MPHOSPH8: variants seen among roughly 807,000 people sequenced by gnomAD.
MPHOSPH8 encodes the protein M-phase phosphoprotein, mpp.
A neutral mutation model predicts 87.3 loss-of-function variants in MPHOSPH8; 45 were observed. That is an observed-to-expected ratio of 0.52 (90% CI 0.41 to 0.66). MPHOSPH8 has a LOEUF of 0.66. Ranked by LOEUF, MPHOSPH8 falls within the 30% of genes least tolerant of loss-of-function variation. The pLI is 0.00. For synonymous variants in MPHOSPH8, 366 were observed against 376.9 expected, an observed-to-expected ratio of 0.97 and a Z score of 0.33; for missense variants, 883 against 1,020.2, an observed-to-expected ratio of 0.87 and a Z score of 1.83.
chr13:19,643,917 C>G (rs1262498324), intron 2 of MPHOSPH8, among the ~76,000 whole-genome samples: 1 of 152,172 alleles, frequency 6.6e-6, no homozygotes, highest in Non-Finnish European at 1.5e-5. Context: ...ACCAGGAGAA[C>G]TCTGGTCACA....
At position 19,659,377 on chromosome 13, in the gene MPHOSPH8, C is replaced by G. The variant is rs922861168; in HGVS notation, c.1791+88C>G. On this transcript the variant is annotated intron_variant, in intron 7 of 13. Transcript: ENST00000361479. Reference sequence around the variant, plus strand: ...TTTAACTTTTCATTTATTTTAATTACAAAAGGCTGGGCGTGGTGGTGCACA... The same window carrying G: ...TTTAACTTTTCATTTATTTTAATTAGAAAAGGCTGGGCGTGGTGGTGCACA... The G allele has an allele frequency of 1.2e-5, 14 of 1,151,430 alleles. No homozygotes were observed. The South Asian group carries it at 2.0e-4, about 16-fold the overall frequency. The allele number at this position is 1,151,430 out of a possible 1,614,324, so 71.3% of individuals were successfully genotyped here.
chr13:19,642,620 A>G (rs1874359138), intron 2 of MPHOSPH8, among the ~76,000 whole-genome samples: 2 of 152,068 alleles, frequency 1.3e-5, no homozygotes, highest in African/African-American at 2.4e-5. Context: ...ATTCTGCATT[A>G]TTAACTATGT....
At chr13:19,662,973 CAAAATATCTG>C in intron 8 of MPHOSPH8, 57 bp from the exon 9 acceptor site, 1 of 1,393,230 alleles carries the variant, frequency 7.2e-7, no homozygotes, top group East Asian at 2.3e-5. Context: ...CTAAAAATTT[CAAAATATCTG>C]AAAACTGTCT....
chr13:19,654,487 G>A (rs1194504018), intron 5 of MPHOSPH8, among the ~76,000 whole-genome samples: 2 of 152,130 alleles, frequency 1.3e-5, no homozygotes, highest in East Asian at 1.9e-4. Context: ...AAAAAAGAAC[G>A]TGGAATAATA....
intron 12 of MPHOSPH8, chr13:19,670,776 C>G: frequency 8.3e-7 from 1 of 1,202,202 alleles, no homozygotes; most frequent in Non-Finnish European, 1.1e-6. Flanking sequence ...CAGATTGATT[C>G]TGTCATTTGT....
At chr13:19,637,719 A>G (rs1874081610) in intron 1 of MPHOSPH8, among the ~76,000 whole-genome samples, 1 of 152,152 alleles carries the variant, frequency 6.6e-6, no homozygotes, top group South Asian at 2.1e-4. Context: ...CATTCATGCA[A>G]GCTAAGAAGC....
In MPHOSPH8 at chr13:19,671,298, C is replaced by T; in HGVS notation, c.2541+9C>T. 3 of 1,603,082 alleles carry T rather than the reference C, an allele frequency of 1.9e-6. No individual in the cohort carries two copies. The highest frequency in any genetic ancestry group is 1.1e-5 in the South Asian group (1 of 90,736). ...AAGCACCCTCTGCCAAGGTGACAGT[C>T]CTTTCTTCACATTTAGTGTCACTAC... On this transcript the variant is annotated intron_variant, in intron 13 of 13. Transcript: ENST00000361479.
At chr13:19,668,657 G>A (rs1428724506) in intron 11 of MPHOSPH8, 126 bp downstream of exon 11, 2 of 1,123,260 alleles carry the variant, frequency 1.8e-6, no homozygotes, top group Non-Finnish European at 2.5e-6. Flanking sequence ...TAATTCTGCA[G>A]ACCGGTTAAC....
chr13:19,666,825 A>G (rs988110818), intron 10 of MPHOSPH8, among the ~76,000 whole-genome samples: 3 of 152,222 alleles, frequency 2.0e-5, no homozygotes, highest in African/African-American at 7.2e-5. Context: ...TTCCTTAAAT[A>G]TTAAGTATGC....
intron 1 of MPHOSPH8, among the ~76,000 whole-genome samples, chr13:19,636,452 G>A (rs117248650): frequency 1.3e-5 from 2 of 151,836 alleles, no homozygotes; most frequent in Non-Finnish European, 2.9e-5. Context: ...AATAGAGTAA[G>A]CAGAGAATTA....
chr13:19,656,277 C>T (rs201107396), intron 5 of MPHOSPH8, among the ~76,000 whole-genome samples: 1 of 72,246 alleles, frequency 1.4e-5, no homozygotes, highest in African/African-American at 6.3e-5. Flanking sequence ...AGACTGTTGT[C>T]AAAAAAAAAA....
intron 2 of MPHOSPH8, among the ~76,000 whole-genome samples, chr13:19,645,151 A>G (rs1459770326): frequency 3.9e-5 from 6 of 152,060 alleles, no homozygotes; most frequent in Non-Finnish European, 8.8e-5. Context: ...CGCCTTGCCC[A>G]GTGCACAGCA....
At chr13:19,663,924 C>T (rs1875685803) in intron 9 of MPHOSPH8, among the ~76,000 whole-genome samples, 1 of 152,182 alleles carries the variant, frequency 6.6e-6, no homozygotes, top group South Asian at 2.1e-4. Context: ...CTGCAGGGCA[C>T]CTGGCATCAA....
intron 5 of MPHOSPH8, among the ~76,000 whole-genome samples, chr13:19,655,337 A>AT (rs1268199901): frequency 6.6e-6 from 1 of 152,052 alleles, no homozygotes; most frequent in Admixed American, 6.5e-5. Flanking sequence ...GTGTGGTACT[A>AT]TTTGCCTATA....
intron 5 of MPHOSPH8, 59 bp from the exon 6 acceptor site, chr13:19,658,936 A>C: frequency 6.3e-7 from 1 of 1,580,450 alleles, no homozygotes; most frequent in East Asian, 2.2e-5. Context: ...CATAAACAAC[A>C]TTGTGGGTTT....
intron 8 of MPHOSPH8, among the ~76,000 whole-genome samples, chr13:19,662,742 G>A (rs1383623449): frequency 1.3e-5 from 2 of 152,008 alleles, no homozygotes; most frequent in African/African-American, 2.4e-5. Flanking sequence ...ATTCCTTTTG[G>A]TTAATAATTT....
chr13:19,661,896 T>A (rs1875551993), intron 8 of MPHOSPH8, 58 bp downstream of exon 8: 1 of 1,525,528 alleles, frequency 6.6e-7, no homozygotes, highest in Non-Finnish European at 8.8e-7. Context: ...GCCGATGGAC[T>A]GAGAGGATCT....
intron 2 of MPHOSPH8, among the ~76,000 whole-genome samples, chr13:19,643,884 A>G (rs763463141): frequency 1.3e-5 from 2 of 152,138 alleles, no homozygotes; most frequent in Non-Finnish European, 2.9e-5. Flanking sequence ...CACCACAGAG[A>G]CCTACGTGTT....
rs569151018 is a variant in MPHOSPH8 at position 19,652,522 on chromosome 13, G to A, written c.1576+2262G>A. The stretch of plus-strand genomic sequence containing the variant: ...GGGTGGCTGTTTGGGCCGACACTGA[G>A]CTAGCTGCAGAAGTTTTTTTTCCAT... On this transcript the variant is annotated intron_variant, in intron 5 of 13. Transcript: ENST00000361479. 2.6e-5 allele frequency among the ~76,000 whole-genome samples: 4 copies of A among 152,320 alleles called. No individual in the cohort carries two copies. The South Asian group carries it at 8.3e-4, about 32-fold the overall frequency.
Sources: allele counts gnomAD v4.1 joint callset (sites outside exome capture counted in the v4.1 genomes callset), GRCh38; gene constraint gnomAD v4.1.1; transcripts MANE v1.5; gene names NCBI Gene and HGNC (gene_info 2026-07-23, HGNC 2026-07-21).